RGMB: variants seen among roughly 807,000 people sequenced by gnomAD.
RGMB encodes repulsive guidance molecule B.
RGMB carries 16 observed loss-of-function variants against 26.9 expected under a neutral mutation model. The observed-to-expected ratio is 0.60, with a 90% confidence interval of 0.40 to 0.90. The LOEUF is 0.90. Among genes scored for constraint, RGMB ranks in the 40% least tolerant of loss-of-function variants. The probability of loss-of-function intolerance (pLI) is 0.00; values close to 1 mark genes in which losing one functional copy is unlikely to be tolerated. For synonymous variants in RGMB, 225 were observed against 229.3 expected (o/e 0.98, Z 0.17); for missense variants, 512 against 573.3 (o/e 0.89, Z 1.09).
At position 98,774,122 on chromosome 5, in the gene RGMB, G is replaced by A. The variant is rs1389589451; in HGVS notation, c.52G>A (p.Glu18Lys). The A allele has an allele frequency of 2.8e-6, 4 of 1,428,350 alleles. No individual in the cohort carries two copies. In the Admixed American group the frequency reaches 6.3e-5, roughly 22 times the overall value. The allele number at this position is 1,428,350 out of a possible 1,614,324, so 88.5% of individuals were successfully genotyped here. The change falls in exon 1 of 3, where the codon GAG becomes AAG. Residue 18 changes from glutamate to lysine, a missense_variant. Transcript: ENST00000513185. ...CGCCGCCGCTGCCGCCGCCGAGGTTGAGCAGCGCCGCAGCCCCGGGCTCTG... is the reference window on the plus strand; with the variant it reads ...CGCCGCCGCTGCCGCCGCCGAGGTTAAGCAGCGCCGCAGCCCCGGGCTCTG... ...SSAAAAAAEV[E>K]QRRSPGLCPP...
At chr5:98,789,561 C>T (rs1462489807) in intron 2 of RGMB, among the ~76,000 whole-genome samples, 1 of 151,892 alleles carries the variant, frequency 6.6e-6, no homozygotes, top group African/African-American at 2.4e-5. Flanking sequence ...GTTCTTATTG[C>T]CTATTTCATG....
At position 98,793,110 on chromosome 5, in the gene RGMB, A is replaced by G. The variant is rs774998668; in HGVS notation, c.671A>G (p.His224Arg). The G allele has an allele frequency of 5.0e-6, 8 of 1,609,546 alleles. No individual in the cohort carries two copies. The highest frequency in any genetic ancestry group is 4.0e-5 in the African/African-American group (3 of 74,824). ...ATCACTATTATCTTCAAAGCCCACC[A>G]TGAGTGTACAGATCAGAAAGTCTAC... is the stretch of plus-strand genomic sequence containing the variant. The part of the protein sequence containing the change: ...NKITIIFKAH[H>R]ECTDQKVYQA... Residue 224 changes from histidine to arginine, a missense_variant, in exon 3 of 3, where the codon CAT (histidine) becomes CGT (arginine). Transcript: ENST00000513185.
rs750324577 is a variant in RGMB, at chr5:98,773,903, G to C, written c.-168G>C. 24 of 528,758 alleles carry C rather than the reference G, an allele frequency of 4.5e-5. No homozygotes were observed. The Middle Eastern group carries it at 3.9e-3, about 85-fold the overall frequency. The allele number at this position is 528,758 out of a possible 1,614,324, so 32.8% of individuals were successfully genotyped here. A position where few individuals can be genotyped will look rare whatever the true frequency, so the allele number is the denominator to read the frequency against. ...CGCGGACTGGCTGCGCCGGCTGCGC[G>C]CTGCTTGCTGCGGCGGTGGTGGCGC... On this transcript the variant is annotated 5_prime_UTR_variant, in exon 1 of 3. Coordinates refer to ENST00000513185, the MANE Select transcript of RGMB (RefSeq NM_001366508.1).
chr5:98,781,094 T>TA (rs1324619183), intron 2 of RGMB: 5 of 152,380 alleles, frequency 3.3e-5, no homozygotes, highest in South Asian at 2.1e-4. Context: ...TTGAAATACT[T>TA]ACGACTGTTC....
chr5:98,774,253 T>C (rs1746306040), intron 1 of RGMB, 47 bp downstream of exon 1: 2 of 1,349,266 alleles, frequency 1.5e-6, no homozygotes, highest in East Asian at 6.2e-5. Context: ...GCCTAGGGCT[T>C]TGTTCCCAAA....
intron 2 of RGMB, among the ~76,000 whole-genome samples, chr5:98,782,571 C>A (rs1173161759): frequency 1.3e-5 from 2 of 152,094 alleles, no homozygotes; most frequent in Non-Finnish European, 2.9e-5. Context: ...CTTGTAGATA[C>A]CAGATCATCC....
At chr5:98,788,442 A>G (rs1480599077) in intron 2 of RGMB, among the ~76,000 whole-genome samples, 3 of 152,224 alleles carry the variant, frequency 2.0e-5, no homozygotes, top group South Asian at 2.1e-4. Flanking sequence ...AAAATTATCA[A>G]TGACATCAAG....
upstream of RGMB, among the ~76,000 whole-genome samples, chr5:98,769,024 C>G (rs1433296203): frequency 6.6e-6 from 1 of 152,146 alleles, no homozygotes; most frequent in African/African-American, 2.4e-5. Context: ...CGGCTGGTGC[C>G]GCGGGTGGGC....
chr5:98,788,566 C>G (rs1284321870), intron 2 of RGMB, among the ~76,000 whole-genome samples: 1 of 152,154 alleles, frequency 6.6e-6, no homozygotes, highest in East Asian at 1.9e-4. Context: ...CTTTTCCCCC[C>G]TCGAGAGAGA....
rs752647942 is a variant in RGMB, at chr5:98,793,199, G to A, written c.760G>A (p.Asp254Asn). 6.2e-6 allele frequency: 10 copies of A among 1,613,902 alleles called. No homozygotes were observed. The highest frequency in any genetic ancestry group is 1.7e-5 in the Admixed American group (1 of 60,004). Reference sequence around the variant, plus strand: ...TGGCACCACCAGTGGTGGGGACAGCGATGCCAAGAGCCTGCGTATCGTGGA... The same window carrying A: ...TGGCACCACCAGTGGTGGGGACAGCAATGCCAAGAGCCTGCGTATCGTGGA... ...VDGTTSGGDSDAKSLRIVERE... is the reference protein window; with the variant it reads ...VDGTTSGGDSNAKSLRIVERE... Residue 254 changes from aspartate to asparagine, a missense_variant, in exon 3 of 3, where the codon GAT (aspartate) becomes AAT (asparagine). Asp to Asn is a conservative substitution (Grantham distance 23, BLOSUM62 1). Coordinates refer to ENST00000513185, the MANE Select transcript of RGMB (RefSeq NM_001366508.1).
At chr5:98,784,712 C>G (rs1746717803) in intron 2 of RGMB, among the ~76,000 whole-genome samples, 1 of 152,176 alleles carries the variant, frequency 6.6e-6, no homozygotes. Context: ...TTTATTGTAG[C>G]TAAGTTTTTG....
chr5:98,776,531 A>G (rs868759205), intron 1 of RGMB, among the ~76,000 whole-genome samples: 2 of 152,250 alleles, frequency 1.3e-5, no homozygotes, highest in Admixed American at 6.5e-5. Flanking sequence ...TTTACCGCCT[A>G]TAACAGGCAA....
At chr5:98,776,688 T>C (rs1746413816) in intron 1 of RGMB, among the ~76,000 whole-genome samples, 1 of 152,252 alleles carries the variant, frequency 6.6e-6, no homozygotes, top group Non-Finnish European at 1.5e-5. Flanking sequence ...CCATCATCTC[T>C]GTAGCAGAAG....
upstream of RGMB, chr5:98,773,194 G>A (rs554019532): frequency 5.9e-5 from 9 of 152,322 alleles, 1 homozygote; most frequent in South Asian, 1.2e-3. Flanking sequence ...CTCCAAGGAG[G>A]TGGAGCTGAA....
chr5:98,783,363 A>G (rs1746668364), intron 2 of RGMB, among the ~76,000 whole-genome samples: 4 of 152,200 alleles, frequency 2.6e-5, no homozygotes, highest in South Asian at 4.1e-4. Flanking sequence ...GGCTACAGGC[A>G]TGTAGGCACT....
upstream of RGMB, chr5:98,770,501 C>G (rs912921605): frequency 1.2e-5 from 6 of 507,278 alleles, no homozygotes; most frequent in Middle Eastern, 3.6e-4. Flanking sequence ...GGCCCGTTGT[C>G]TACGAGCGGG....
upstream of RGMB, chr5:98,770,838 T>C: frequency 2.3e-6 from 1 of 441,954 alleles, no homozygotes; most frequent in Non-Finnish European, 3.9e-6. Context: ...CACGAGCTGC[T>C]TGACGCTGAG....
At chr5:98,787,978 T>C (rs1383512386) in intron 2 of RGMB, among the ~76,000 whole-genome samples, 2 of 152,228 alleles carry the variant, frequency 1.3e-5, no homozygotes, top group Admixed American at 6.5e-5. Flanking sequence ...CTCTATCTGC[T>C]GCCAAGTACC....
chr5:98,787,380 G>A lies in RGMB; in HGVS notation c.646-5705G>A, dbSNP rs115000289. Among the ~76,000 whole-genome samples the A allele has an allele frequency of 2.5e-3, 378 of 152,322 alleles. 1 individual carries two copies. Among genetic ancestry groups the A allele is most frequent in the African/African-American group, 8.9e-3 (370 of 41,582 alleles). On this transcript the variant is annotated intron_variant, in intron 2 of 2. Transcript: ENST00000513185. ...GTGCTGAACCTAGGCCCAGAGCAGG[G>A]CCTCGGGTCTGTAGTCCTGCCACCT...
Sources: allele counts gnomAD v4.1 joint callset (sites outside exome capture counted in the v4.1 genomes callset), GRCh38; gene constraint gnomAD v4.1.1; transcripts MANE v1.5; gene names NCBI Gene and HGNC (gene_info 2026-07-23, HGNC 2026-07-21).